The following LIN28B variants were observed in gnomAD, a reference collection of about 807,000 sequenced individuals.
LIN28B encodes the protein lin-28 RNA binding posttranscriptional regulator B, also known as protein lin-28 homolog B.
LIN28B carries 5 observed loss-of-function variants against 21.9 expected under a neutral mutation model. The observed-to-expected ratio is 0.23, with a 90% CI of 0.12 to 0.48. LIN28B has a LOEUF of 0.48. Ranked by LOEUF, LIN28B falls within the 20% of genes least tolerant of loss-of-function variation. The pLI is 0.98. For synonymous variants in LIN28B, 109 were observed against 111.3 expected (o/e 0.98, Z 0.13); for missense variants, 245 against 310.5 (o/e 0.79, Z 1.58).
At chr6:104,942,157 A>G (rs574928576) in intron 2 of LIN28B, among the ~76,000 whole-genome samples, 10 of 152,316 alleles carry the variant, frequency 6.6e-5, no homozygotes, top group African/African-American at 1.9e-4. Flanking sequence ...GGGGAAAATA[A>G]ATTATACTCC....
intron 3 of LIN28B, among the ~76,000 whole-genome samples, chr6:105,071,657 G>A (rs934796229): frequency 1.3e-5 from 2 of 152,080 alleles, no homozygotes; most frequent in African/African-American, 2.4e-5. Flanking sequence ...TGTCCTCCAA[G>A]AGAGGCAGTC....
intron 2 of LIN28B, among the ~76,000 whole-genome samples, chr6:105,000,115 A>G (rs1409357718): frequency 6.6e-6 from 1 of 151,918 alleles, no homozygotes; most frequent in Non-Finnish European, 1.5e-5. Context: ...TTTACCTGCA[A>G]AAATGGTGGG....
At chr6:105,020,963 G>C (rs1771128934) in intron 2 of LIN28B, among the ~76,000 whole-genome samples, 1 of 151,100 alleles carries the variant, frequency 6.6e-6, no homozygotes, top group Admixed American at 6.6e-5. Context: ...CACCGTGTTA[G>C]CCAGGATGGT....
intron 1 of LIN28B, among the ~76,000 whole-genome samples, chr6:104,957,777 G>C (rs1582863323): frequency 6.6e-6 from 1 of 152,032 alleles, no homozygotes; most frequent in Non-Finnish European, 1.5e-5. Flanking sequence ...TATTAAATCA[G>C]CAATATACAA....
intron 2 of LIN28B, chr6:104,940,583 C>T (rs1252199013): frequency 1.3e-5 from 2 of 150,712 alleles, no homozygotes; most frequent in Non-Finnish European, 3.0e-5. Flanking sequence ...CGCTCGGCGC[C>T]GGCAGCCAAT....
chr6:104,990,870 G>A (rs1192513772), intron 2 of LIN28B, among the ~76,000 whole-genome samples: 2 of 152,118 alleles, frequency 1.3e-5, no homozygotes, highest in Non-Finnish European at 2.9e-5. Flanking sequence ...AGAGAGCACC[G>A]GGTTGGGGGT....
chr6:104,945,638 A>G (rs149899833), intron 2 of LIN28B, among the ~76,000 whole-genome samples: 44 of 152,170 alleles, frequency 2.9e-4, no homozygotes, highest in Non-Finnish European at 5.6e-4. Flanking sequence ...TGAAACCACT[A>G]TCGCTTTCTT....
chr6:105,077,160 G>C (rs1582936282), intron 3 of LIN28B, among the ~76,000 whole-genome samples: 1 of 151,976 alleles, frequency 6.6e-6, no homozygotes, highest in Non-Finnish European at 1.5e-5. Flanking sequence ...AATCCGGGAG[G>C]CAGAGGTTGC....
chr6:105,055,618 A>G (rs1024795553), intron 3 of LIN28B, among the ~76,000 whole-genome samples: 1 of 152,118 alleles, frequency 6.6e-6, no homozygotes, highest in South Asian at 2.1e-4. Context: ...AGTTTGTGCT[A>G]TTTCCTTATA....
intron 2 of LIN28B, among the ~76,000 whole-genome samples, chr6:104,958,541 T>G (rs953143316): frequency 2.0e-5 from 3 of 152,216 alleles, no homozygotes; most frequent in African/African-American, 7.2e-5. Flanking sequence ...TTCCCCCTGC[T>G]TCATTCTACA....
chr6:105,019,849 G>A (rs986457824), intron 2 of LIN28B, among the ~76,000 whole-genome samples: 2 of 152,058 alleles, frequency 1.3e-5, no homozygotes, highest in East Asian at 1.9e-4. Flanking sequence ...AAAGAGTAAC[G>A]TGAAGCACCT....
chr6:105,065,747 T>C (rs1562112388), intron 3 of LIN28B, among the ~76,000 whole-genome samples: 1 of 152,256 alleles, frequency 6.6e-6, no homozygotes, highest in Non-Finnish European at 1.5e-5. Flanking sequence ...ACATTTTGGT[T>C]AAATCATACC....
chr6:104,938,086 GAAAAAAACC>G (rs1379451049), intron 2 of LIN28B, among the ~76,000 whole-genome samples: 1 of 131,482 alleles, frequency 7.6e-6, no homozygotes, highest in East Asian at 2.2e-4. Context: ...AAATTAGGCA[GAAAAAAACC>G]AAAAAAAACA....
rs1401357231 is a variant in LIN28B at position 105,021,513 on chromosome 6, C to A, written c.199-4785C>A. Among the ~76,000 whole-genome samples the A allele has an allele frequency of 2.0e-5, 3 of 152,164 alleles. No individual in the cohort carries two copies. The South Asian group carries it at 6.2e-4, about 32-fold the overall frequency. ...GTGTATAAGAGTTCTCTTTTTCCCA[C>A]ATCCTTGCTAACATCTTTTTAATAA... On this transcript the variant is annotated intron_variant, in intron 2 of 3. Transcript: ENST00000345080.
At chr6:104,980,803 T>C (rs1770204428) in intron 2 of LIN28B, among the ~76,000 whole-genome samples, 1 of 152,172 alleles carries the variant, frequency 6.6e-6, no homozygotes, top group South Asian at 2.1e-4. Context: ...ATCATGTCCA[T>C]ATAAATTGTT....
At chr6:105,027,429 AT>A (rs1265856179) in intron 3 of LIN28B, among the ~76,000 whole-genome samples, 1 of 151,656 alleles carries the variant, frequency 6.6e-6, no homozygotes, top group Non-Finnish European at 1.5e-5. Context: ...ATATGTTTTC[AT>A]TTTTTTCTTC....
chr6:105,052,502 G>A (rs1771927992), intron 3 of LIN28B, among the ~76,000 whole-genome samples: 4 of 152,080 alleles, frequency 2.6e-5, no homozygotes, highest in African/African-American at 9.7e-5. Context: ...GTAATAATGA[G>A]CCCATTTCCA....
Position 105,079,367 on chromosome 6 carries a change from C to T in LIN28B, c.*584C>T, listed in dbSNP as rs896967009. 1 of 152,576 alleles carries T rather than the reference C, an allele frequency of 6.6e-6. No homozygotes were observed. The highest frequency in any genetic ancestry group is 1.5e-5 in the Non-Finnish European group (1 of 68,030). The allele number at this position is 152,576 out of a possible 1,614,324, so 9.5% of individuals were successfully genotyped here. A position where few individuals can be genotyped will look rare whatever the true frequency, so the allele number is the denominator to read the frequency against. ...TCCAGTTCTCCCGAATTTGGGATTGCCTCTTTTTCTTGAAATCTCTGGAGT... is the reference window on the plus strand; with the variant it reads ...TCCAGTTCTCCCGAATTTGGGATTGTCTCTTTTTCTTGAAATCTCTGGAGT... On this transcript the variant is annotated 3_prime_UTR_variant, in exon 4 of 4. Coordinates refer to ENST00000345080, the MANE Select transcript of LIN28B (RefSeq NM_001004317.4).
At chr6:104,977,931 A>G (rs1177947658) in intron 2 of LIN28B, among the ~76,000 whole-genome samples, 5 of 152,196 alleles carry the variant, frequency 3.3e-5, no homozygotes, top group Non-Finnish European at 1.5e-5. Flanking sequence ...AAAGCATAAT[A>G]CATTAGGAAT....
Sources: allele counts gnomAD v4.1 joint callset (sites outside exome capture counted in the v4.1 genomes callset), GRCh38; gene constraint gnomAD v4.1.1; transcripts MANE v1.5; gene names NCBI Gene and HGNC (gene_info 2026-07-23, HGNC 2026-07-21).